Variants in SUGP2 observed in about 807,000 individuals in gnomAD.
SUGP2 encodes SURP and G-patch domain containing 2, also known as SURP and G-patch domain-containing protein 2.
Under a neutral mutation model 90.5 loss-of-function variants are expected in SUGP2, and 24 were observed. That is an observed-to-expected ratio of 0.27 (90% CI 0.19 to 0.37). The LOEUF is 0.37. SUGP2 is among the 10% of genes least tolerant of loss of function. The pLI is 1.00. For missense variants in SUGP2, 1,233 were observed against 1,363.3 expected, an observed-to-expected ratio of 0.90 and a Z score of 1.51; for synonymous variants, 473 against 513.4, an observed-to-expected ratio of 0.92 and a Z score of 1.06.
In SUGP2 at chr19:19,010,102, G is replaced by A. The variant is rs1262782216; in HGVS notation, c.2091C>T (p.Thr697=). The change falls in exon 5 of 11, where the codon ACC becomes ACT. Residue 697 remains threonine (T), a synonymous_variant. Coordinates refer to ENST00000452918, the MANE Select transcript of SUGP2 (RefSeq NM_001017392.5). ...GLRGWKARRA[T]TGTQTLLSSG... Reference sequence around the variant, plus strand: ...AGGATAGGAGGGTCTGGGTCCCGGTGGTCGCTCTCCTCGCCTTCCAGCCCC... The same window carrying A: ...AGGATAGGAGGGTCTGGGTCCCGGTAGTCGCTCTCCTCGCCTTCCAGCCCC... The A allele has an allele frequency of 6.2e-7, 1 of 1,612,648 alleles. No individual in the cohort carries two copies. The highest frequency in any genetic ancestry group is 1.3e-5 in the African/African-American group (1 of 74,990).
chr19:19,033,384 G>T, intron 1 of SUGP2, 53 bp downstream of exon 1: 4 of 1,229,754 alleles, frequency 3.3e-6, no homozygotes, highest in Non-Finnish European at 4.1e-6. Flanking sequence ...GGCCGAGCCC[G>T]AGCTTCCCAC....
chr19:19,014,300 C>T (rs1303596356), intron 4 of SUGP2, among the ~76,000 whole-genome samples: 2 of 152,064 alleles, frequency 1.3e-5, no homozygotes, highest in African/African-American at 4.8e-5. Context: ...GCTCTTCTGA[C>T]ATCTTTAGTG....
chr19:19,032,351 G>A (rs2059201632), intron 1 of SUGP2, among the ~76,000 whole-genome samples: 2 of 151,992 alleles, frequency 1.3e-5, no homozygotes, highest in South Asian at 2.1e-4. Context: ...TAGAGATGGA[G>A]TTTCACCATG....
chr19:19,030,986 T>C lies in SUGP2; in HGVS notation c.86A>G (p.Glu29Gly). Residue 29 changes from glutamate to glycine, a missense_variant, in exon 2 of 11, where the codon GAG becomes GGG. This residue lies in a region of SUGP2 where 418 missense variants were observed against 399.9 expected (regional missense o/e 1.05). Transcript: ENST00000452918. ...AAACTGAAGAGTTTCGCTTACAGCC[T>C]CACCACTGGCATCCATGTGATATCG... The part of the protein sequence containing the change: ...AKRYHMDASG[E>G]AVSETLQFKA... 6.2e-7 allele frequency: 1 copy of C among 1,613,550 alleles called. No individual in the cohort carries two copies.
At chr19:19,012,540 C>A (rs2058347147) in intron 4 of SUGP2, among the ~76,000 whole-genome samples, 1 of 152,186 alleles carries the variant, frequency 6.6e-6, no homozygotes, top group South Asian at 2.1e-4. Context: ...AGCATAGCCA[C>A]TTATTAGCTG....
chr19:19,029,605 ATTT>A (rs772804457), intron 2 of SUGP2, among the ~76,000 whole-genome samples: 1 of 136,502 alleles, frequency 7.3e-6, no homozygotes. Flanking sequence ...CACCTGGCTA[ATTT>A]TTTTTTTTTT....
intron 8 of SUGP2, among the ~76,000 whole-genome samples, chr19:18,998,039 C>T (rs1182730406): frequency 6.6e-6 from 1 of 152,138 alleles, no homozygotes; most frequent in Non-Finnish European, 1.5e-5. Context: ...ACATTAAACA[C>T]CACACCTAGA....
intron 4 of SUGP2, among the ~76,000 whole-genome samples, chr19:19,016,110 T>C (rs1223326330): frequency 2.6e-5 from 4 of 152,208 alleles, no homozygotes; most frequent in African/African-American, 9.6e-5. Context: ...TGATGCTCTT[T>C]CATGATACTG....
intron 6 of SUGP2, among the ~76,000 whole-genome samples, chr19:19,006,914 A>G (rs2058097281): frequency 1.3e-5 from 2 of 152,216 alleles, no homozygotes; most frequent in Admixed American, 1.3e-4. Context: ...AAGTTGAAAG[A>G]GTATGTTCTG....
At position 19,031,007 on chromosome 19, in the gene SUGP2, T is replaced by C. The variant is rs1266872654; in HGVS notation, c.65A>G (p.Tyr22Cys). The C allele has an allele frequency of 1.9e-6, 3 of 1,613,848 alleles. No homozygotes were observed. The highest frequency in any genetic ancestry group is 4.5e-5 in the East Asian group (2 of 44,892). ...DAVLQEKAKR[Y>C]HMDASGEAVS... ...AGCCTCACCACTGGCATCCATGTGA[T>C]ATCGTTTGGCTTTTTCTTGTAATAC... The change falls in exon 2 of 11, where the codon TAT (tyrosine) becomes TGT (cysteine). Residue 22 changes from tyrosine (Y) to cysteine (C), a missense_variant. Coordinates refer to ENST00000452918, the MANE Select transcript of SUGP2 (RefSeq NM_001017392.5).
rs1399624999 is a variant in SUGP2, at chr19:19,004,150, C to CA, written c.2929+17_2929+18insT. The CA allele has an allele frequency of 2.0e-6, 3 of 1,524,648 alleles. No individual in the cohort carries two copies. Among genetic ancestry groups the CA allele is most frequent in the Non-Finnish European group, 2.6e-6 (3 of 1,133,728 alleles). 94.4% of individuals were successfully genotyped at this position (1,524,648 alleles called of 1,614,324 possible). A position where few individuals can be genotyped will look rare whatever the true frequency, so the allele number is the denominator to read the frequency against. ...AGAACTGTGCTAGAGGCAACTGTGCCGACAGGCGGGCACTCACCTTTTGGC... is the reference window on the plus strand; with the variant it reads ...AGAACTGTGCTAGAGGCAACTGTGCCAGACAGGCGGGCACTCACCTTTTGGC... On this transcript the variant is annotated intron_variant, in intron 7 of 10. Transcript: ENST00000452918.
chr19:19,031,390 C>T (rs959956711), intron 1 of SUGP2, among the ~76,000 whole-genome samples: 6 of 152,002 alleles, frequency 3.9e-5, no homozygotes, highest in African/African-American at 4.8e-5. Context: ...AAAAATTAGC[C>T]GGGCATGGTG....
chr19:18,992,921 A>G lies in SUGP2; in HGVS notation c.*820T>C, dbSNP rs1292074447. Reference sequence around the variant, plus strand: ...TGGAAATAGAGCAGCTGCAGAGCCCACCCCAGGAGGAGCCTGCCTCTCCTT... The same window carrying G: ...TGGAAATAGAGCAGCTGCAGAGCCCGCCCCAGGAGGAGCCTGCCTCTCCTT... On this transcript the variant is annotated 3_prime_UTR_variant, in exon 11 of 11. Transcript: ENST00000452918. 1.3e-5 allele frequency: 2 copies of G among 152,366 alleles called. No homozygotes were observed. The highest frequency in any genetic ancestry group is 6.5e-5 in the Admixed American group (1 of 15,280). 9.4% of individuals were successfully genotyped at this position (152,366 alleles called of 1,614,324 possible).
At position 18,994,427 on chromosome 19, in the gene SUGP2, G is replaced by T; in HGVS notation, c.3188C>A (p.Thr1063Lys). The T allele has an allele frequency of 6.2e-7, 1 of 1,614,222 alleles. No individual in the cohort carries two copies. Among genetic ancestry groups the T allele is most frequent in the Non-Finnish European group, 8.5e-7 (1 of 1,180,030 alleles). The change falls in exon 10 of 11, where the codon ACA (threonine) becomes AAA (lysine). Residue 1063 changes from threonine to lysine, a missense_variant. Thr to Lys is a moderately conservative substitution (Grantham distance 78). Coordinates refer to ENST00000452918, the MANE Select transcript of SUGP2 (RefSeq NM_001017392.5). ...GADGQEHKED[T>K]FDVFRQRMMQ... The stretch of plus-strand genomic sequence containing the variant: ...CATCCTCTGTCGGAACACATCGAAT[G>T]TGTCTTCTTTGTGCTCCTGCCCGTC...
chr19:18,995,102 T>C, intron 9 of SUGP2, 42 bp downstream of exon 9: 1 of 1,600,328 alleles, frequency 6.2e-7, no homozygotes, highest in South Asian at 1.1e-5. Flanking sequence ...GTGGAAGGAC[T>C]GAGGCCCCAC....
chr19:18,996,466 G>C (rs2057591632), intron 8 of SUGP2, among the ~76,000 whole-genome samples: 2 of 152,154 alleles, frequency 1.3e-5, no homozygotes, highest in African/African-American at 2.4e-5. Flanking sequence ...GCCCAGGCTG[G>C]TCTCGGATTC....
At chr19:19,002,962 A>AT (rs1475833943) in intron 7 of SUGP2, among the ~76,000 whole-genome samples, 4 of 151,472 alleles carry the variant, frequency 2.6e-5, no homozygotes, top group Non-Finnish European at 5.9e-5. Flanking sequence ...TATTTACTTC[A>AT]TTTTTTTTAC....
Position 19,029,637 on chromosome 19 carries a change from G to A in SUGP2, c.121+1314C>T, listed in dbSNP as rs982312294. 2.0e-5 allele frequency among the ~76,000 whole-genome samples: 3 copies of A among 147,622 alleles called. No individual in the cohort carries two copies. In the South Asian group the frequency reaches 6.5e-4, roughly 32 times the overall value. ...TTTTTTTTTGATTTTTAGTAAAGAC[G>A]GGGTTTCACCATTCACAGGATGGTC... On this transcript the variant is annotated intron_variant, in intron 2 of 10. Transcript: ENST00000452918.
rs2057963826 is a variant in SUGP2 at position 19,004,175 on chromosome 19, C to T, written c.2922G>A (p.Glu974=). 5 of 1,551,398 alleles carry T rather than the reference C, an allele frequency of 3.2e-6. No homozygotes were observed. The highest frequency in any genetic ancestry group is 4.4e-6 in the Non-Finnish European group (5 of 1,146,926). ...CGACAGGCGGGCACTCACCTTTTGGCTCCTGGATGAGACACACTCTCTTGG... is the reference window on the plus strand; with the variant it reads ...CGACAGGCGGGCACTCACCTTTTGGTTCCTGGATGAGACACACTCTCTTGG... The part of the protein sequence containing the change: ...PAPKRVCLIQ[E]PKVHEPVRIA... The change falls in exon 7 of 11, where the codon GAG becomes GAA. Residue 974 remains glutamate, a synonymous_variant. Coordinates refer to ENST00000452918, the MANE Select transcript of SUGP2 (RefSeq NM_001017392.5).
Sources: allele counts gnomAD v4.1 joint callset (sites outside exome capture counted in the v4.1 genomes callset), GRCh38; gene constraint gnomAD v4.1.1; regional missense constraint gnomAD v4.1.1; transcripts MANE v1.5; gene names NCBI Gene and HGNC (gene_info 2026-07-23, HGNC 2026-07-21).